Variants in PAIP2 observed in about 807,000 individuals in gnomAD.
PAIP2 encodes the protein poly(A) binding protein interacting protein 2.
Under a neutral mutation model 14.8 loss-of-function variants are expected in PAIP2, and 7 were observed. The ratio of observed to expected loss-of-function variants is 0.47; its 90% confidence interval spans 0.27 to 0.89. The LOEUF is 0.89. Among genes scored for constraint, PAIP2 ranks in the 40% least tolerant of loss-of-function variants. PAIP2 has a pLI of 0.13. For missense variants in PAIP2, 122 were observed against 154.7 expected (o/e 0.79, Z 1.12); for synonymous variants, 47 against 45.3 (o/e 1.04, Z -0.15).
At chr5:139,342,172 C>T (rs1438501674) in intron 1 of PAIP2, among the ~76,000 whole-genome samples, 192 bp downstream of exon 1, 2 of 152,088 alleles carry the variant, frequency 1.3e-5, no homozygotes, top group African/African-American at 2.4e-5. Flanking sequence ...CTGTCTTCTC[C>T]GAGACATGGC....
chr5:139,352,330 G>A (rs1377207568), intron 1 of PAIP2, among the ~76,000 whole-genome samples: 1 of 151,602 alleles, frequency 6.6e-6, no homozygotes, highest in Non-Finnish European at 1.5e-5. Context: ...TTATGAAGAC[G>A]TGTTATCTCC....
At chr5:139,358,607 C>T (rs77888204) in intron 1 of PAIP2, among the ~76,000 whole-genome samples, 1,629 of 152,198 alleles carry the variant, frequency 0.011, 31 homozygotes, top group African/African-American at 0.037. Flanking sequence ...AAAGTGGAAA[C>T]GACTGCAGAT....
intron 1 of PAIP2, among the ~76,000 whole-genome samples, chr5:139,361,105 A>G (rs1022967768): frequency 2.0e-5 from 3 of 151,986 alleles, no homozygotes; most frequent in Admixed American, 2.0e-4. Flanking sequence ...AGATATACAT[A>G]CTATAACTAG....
At position 139,359,199 on chromosome 5, in the gene PAIP2, C is replaced by T. The variant is rs149374369; in HGVS notation, c.-26-4560C>T. Reference sequence around the variant, plus strand: ...TCCCAGGCTGGAGAGTGCAGTGGCGCGATCTTGGCACACTGGAACCTCTAC... The same window carrying T: ...TCCCAGGCTGGAGAGTGCAGTGGCGTGATCTTGGCACACTGGAACCTCTAC... On this transcript the variant is annotated intron_variant, in intron 1 of 3. Coordinates refer to ENST00000265192, the MANE Select transcript of PAIP2 (RefSeq NM_016480.5). 6.2e-3 allele frequency among the ~76,000 whole-genome samples: 941 copies of T among 152,226 alleles called. 9 individuals are homozygous for T. The highest frequency in any genetic ancestry group is 0.021 in the African/African-American group (889 of 41,516).
chr5:139,352,379 T>A (rs138029908), intron 1 of PAIP2, among the ~76,000 whole-genome samples: 1 of 152,068 alleles, frequency 6.6e-6, no homozygotes, highest in Admixed American at 6.6e-5. Flanking sequence ...TTATTTTTGA[T>A]ATATTTTCTG....
chr5:139,360,785 T>TTTTTTC (rs1174040217), intron 1 of PAIP2, among the ~76,000 whole-genome samples: 5 of 151,738 alleles, frequency 3.3e-5, no homozygotes, highest in Non-Finnish European at 7.4e-5. Context: ...TTCTTTTTTT[T>TTTTTTC]TTTTTCTTTT....
At position 139,366,224 on chromosome 5, in the gene PAIP2, A is replaced by G. The variant is rs1047986099; in HGVS notation, c.318+1481A>G. 4.7e-5 allele frequency among the ~76,000 whole-genome samples: 7 copies of G among 148,476 alleles called. No homozygotes were observed. In the South Asian group the frequency reaches 6.9e-4, roughly 15 times the overall value. ...CCTCAAAAAAAAAAAAAAAAAAAAAAGCGGGGTGGGGGGAATTGTGATAAC... is the reference window on the plus strand; with the variant it reads ...CCTCAAAAAAAAAAAAAAAAAAAAAGGCGGGGTGGGGGGAATTGTGATAAC... On this transcript the variant is annotated intron_variant, in intron 3 of 3. Coordinates refer to ENST00000265192, the MANE Select transcript of PAIP2 (RefSeq NM_016480.5).
intron 1 of PAIP2, among the ~76,000 whole-genome samples, chr5:139,345,173 G>A (rs1756500432): frequency 1.3e-5 from 2 of 152,082 alleles, no homozygotes; most frequent in Admixed American, 1.3e-4. Context: ...AGCCTCCTGA[G>A]TAGCTGCACC....
At chr5:139,367,526 C>T (rs916151931) in intron 3 of PAIP2, 2 of 151,408 alleles carry the variant, frequency 1.3e-5, no homozygotes, top group African/African-American at 4.9e-5. Context: ...AGAAAGGTGA[C>T]TTATCTGAGT....
Position 139,364,954 on chromosome 5 carries a change from G to A in PAIP2, c.318+211G>A. On this transcript the variant is annotated intron_variant, in intron 3 of 3. Transcript: ENST00000265192. ...GAGGTCAGGAGTTTGAGACCAGCCTGACCAACATGGAGAAACCCCATCTCT... is the reference window on the plus strand; with the variant it reads ...GAGGTCAGGAGTTTGAGACCAGCCTAACCAACATGGAGAAACCCCATCTCT... 3 of 350,254 alleles carry A rather than the reference G, an allele frequency of 8.6e-6. 1 individual carries two copies. The South Asian group carries it at 1.5e-4, about 17-fold the overall frequency. 21.7% of individuals were successfully genotyped at this position (350,254 alleles called of 1,614,324 possible). A position where few individuals can be genotyped will look rare whatever the true frequency, so the allele number is the denominator to read the frequency against.
At chr5:139,353,484 C>A (rs907490085) in intron 1 of PAIP2, among the ~76,000 whole-genome samples, 7 of 151,956 alleles carry the variant, frequency 4.6e-5, no homozygotes, top group African/African-American at 1.7e-4. Context: ...TAAGGGTTAC[C>A]CTGGAGGTTA....
At chr5:139,347,575 TACA>T (rs1168903775) in intron 1 of PAIP2, among the ~76,000 whole-genome samples, 3 of 152,064 alleles carry the variant, frequency 2.0e-5, no homozygotes. Context: ...CGCCAGGCCA[TACA>T]ACATTTTTAT....
chr5:139,359,897 G>T (rs1309134067), intron 1 of PAIP2, among the ~76,000 whole-genome samples: 1 of 151,850 alleles, frequency 6.6e-6, no homozygotes. Context: ...TCTTGAACCA[G>T]GAGGCAGAGG....
chr5:139,358,138 G>A (rs1652245201), intron 1 of PAIP2, among the ~76,000 whole-genome samples: 1 of 152,162 alleles, frequency 6.6e-6, no homozygotes, highest in Non-Finnish European at 1.5e-5. Context: ...GCTGGGCCCT[G>A]GTGCATGTTT....
In PAIP2 at chr5:139,367,692, TA is replaced by T. The variant is rs1251008590; in HGVS notation, c.319-1038del. 3.3e-5 allele frequency: 5 copies of T among 151,916 alleles called. No homozygotes were observed. In the East Asian group the frequency reaches 9.6e-4, roughly 29 times the overall value. 9.4% of individuals were successfully genotyped at this position (151,916 alleles called of 1,614,324 possible). ...AACTCCACATTTTTAGTGAGGATTCTAAAGTAAAATCAGCAATTCCCCAGTT... is the reference window on the plus strand; with the variant it reads ...AACTCCACATTTTTAGTGAGGATTCTAAGTAAAATCAGCAATTCCCCAGTT... On this transcript the variant is annotated intron_variant, in intron 3 of 3. Coordinates refer to ENST00000265192, the MANE Select transcript of PAIP2 (RefSeq NM_016480.5).
At chr5:139,367,877 T>C (rs532755815) in intron 3 of PAIP2, among the ~76,000 whole-genome samples, 1 of 152,350 alleles carries the variant, frequency 6.6e-6, no homozygotes, top group Admixed American at 6.5e-5. Flanking sequence ...TTAAGCAAAC[T>C]GAATTTCAAT....
intron 3 of PAIP2, among the ~76,000 whole-genome samples, chr5:139,368,273 G>T (rs1044850954): frequency 6.6e-6 from 1 of 152,204 alleles, no homozygotes; most frequent in Non-Finnish European, 1.5e-5. Flanking sequence ...CCGGGAGGCG[G>T]AGCTTGCAGT....
Position 139,356,480 on chromosome 5 carries a change from A to G in PAIP2, c.-26-7279A>G, listed in dbSNP as rs532876543. Among the ~76,000 whole-genome samples, 123 of 152,262 alleles carry G rather than the reference A, an allele frequency of 8.1e-4. 1 individual carries two copies. The highest frequency in any genetic ancestry group is 2.9e-3 in the South Asian group (14 of 4,820). The stretch of plus-strand genomic sequence containing the variant: ...AATAAATAAATAAAGTCTTTGTCCA[A>G]TGTAATATCTGGGCTCCCTTGGGGA... On this transcript the variant is annotated intron_variant, in intron 1 of 3. Coordinates refer to ENST00000265192, the MANE Select transcript of PAIP2 (RefSeq NM_016480.5).
chr5:139,350,529 G>T (rs1756695543), intron 1 of PAIP2, among the ~76,000 whole-genome samples: 1 of 151,908 alleles, frequency 6.6e-6, no homozygotes, highest in South Asian at 2.1e-4. Flanking sequence ...TACTCGGGAG[G>T]CTGAGACAGG....
Sources: gnomAD v4.1 joint callset for allele counts (sites outside exome capture counted in the v4.1 genomes callset) on GRCh38, gnomAD v4.1.1 for gene constraint, MANE v1.5 for transcripts, NCBI Gene and HGNC (gene_info 2026-07-23, HGNC 2026-07-21) for gene names.